TENM2: variants seen among roughly 807,000 people sequenced by gnomAD.
The protein encoded by TENM2 is teneurin transmembrane protein 2, also known as teneurin-2.
TENM2 carries 52 observed loss-of-function variants against 245.2 expected under a neutral mutation model. That is an observed-to-expected ratio of 0.21 (90% confidence interval 0.17 to 0.27). The LOEUF is 0.27. Among genes scored for constraint, TENM2 ranks in the 10% least tolerant of loss-of-function variants. The pLI, the probability that TENM2 is intolerant of heterozygous loss-of-function variation, is 1.00. For synonymous variants in TENM2, 1,363 were observed against 1,438.9 expected (o/e 0.95, Z 1.19); for missense variants, 3,046 against 3,666.8 (o/e 0.83, Z 4.37).
At chr5:168,087,758 A>G (rs1342035859) in intron 7 of TENM2, among the ~76,000 whole-genome samples, 2 of 152,192 alleles carry the variant, frequency 1.3e-5, no homozygotes, top group African/African-American at 4.8e-5. Flanking sequence ...TGTTCTTAGT[A>G]GAAAGACAAC....
chr5:167,057,899 C>T, the TENM2 span, among the ~76,000 whole-genome samples: 1 of 152,126 alleles, frequency 6.6e-6, no homozygotes, highest in East Asian at 1.9e-4. Flanking sequence ...CTCCCTATGA[C>T]TGGGTCCTGC....
At chr5:167,426,290 T>C (rs1374076896) in intron 2 of TENM2, among the ~76,000 whole-genome samples, 1 of 152,194 alleles carries the variant, frequency 6.6e-6, no homozygotes, top group African/African-American at 2.4e-5. Flanking sequence ...CTATTCACAA[T>C]AGTATTTTAA....
At chr5:168,114,063 A>G (rs1448134791) in intron 9 of TENM2, among the ~76,000 whole-genome samples, 8 of 152,174 alleles carry the variant, frequency 5.3e-5, no homozygotes, top group Non-Finnish European at 7.3e-5. Flanking sequence ...GACCTATGGC[A>G]TTTCTTTATT....
At chr5:167,659,757 G>A (rs1328851885) in intron 2 of TENM2, among the ~76,000 whole-genome samples, 1 of 152,044 alleles carries the variant, frequency 6.6e-6, no homozygotes, top group Non-Finnish European at 1.5e-5. Context: ...TGTAGAGTTC[G>A]ATTGTACCTT....
intron 7 of TENM2, among the ~76,000 whole-genome samples, chr5:168,074,342 C>T (rs1791275950): frequency 6.6e-6 from 1 of 152,100 alleles, no homozygotes. Context: ...CACCAAAGCC[C>T]CTGCCAACCC....
At chr5:167,999,122 T>C (rs1784257557) in intron 5 of TENM2, among the ~76,000 whole-genome samples, 1 of 152,204 alleles carries the variant, frequency 6.6e-6, no homozygotes, top group African/African-American at 2.4e-5. Flanking sequence ...AGGAAAAATG[T>C]CAGCCCTCTC....
chr5:167,430,538 G>A (rs1025346818), intron 2 of TENM2, among the ~76,000 whole-genome samples: 1 of 152,094 alleles, frequency 6.6e-6, no homozygotes, highest in Non-Finnish European at 1.5e-5. Context: ...GGGGGGTCTG[G>A]TTTGCTGTCT....
chr5:167,403,113 G>T (rs1183950243), intron 2 of TENM2, among the ~76,000 whole-genome samples: 11 of 151,986 alleles, frequency 7.2e-5, no homozygotes, highest in Non-Finnish European at 1.5e-4. Flanking sequence ...TAGAAAATAT[G>T]TATATATGCA....
intron 1 of TENM2, among the ~76,000 whole-genome samples, chr5:167,327,787 T>A (rs2127783645): frequency 6.6e-6 from 1 of 152,232 alleles, no homozygotes; most frequent in South Asian, 2.1e-4. Flanking sequence ...AAGAGAATGG[T>A]GAAATAGGGT....
chr5:167,820,117 G>C (rs1342207642), intron 2 of TENM2, among the ~76,000 whole-genome samples: 2 of 152,106 alleles, frequency 1.3e-5, no homozygotes, highest in Non-Finnish European at 2.9e-5. Flanking sequence ...CAGGGAAAGA[G>C]TCCTTTTCCC....
chr5:167,390,301 A>G (rs1187981438), intron 2 of TENM2, among the ~76,000 whole-genome samples: 1 of 152,194 alleles, frequency 6.6e-6, no homozygotes, highest in Non-Finnish European at 1.5e-5. Context: ...TATGTCAGCT[A>G]TTGTTTGGAA....
intron 2 of TENM2, among the ~76,000 whole-genome samples, chr5:167,676,748 A>T (rs942391232): frequency 6.6e-6 from 1 of 152,106 alleles, no homozygotes; most frequent in African/African-American, 2.4e-5. Flanking sequence ...TATAAATAAT[A>T]TGTTTTTAAT....
At chr5:167,592,912 T>C (rs1264006890) in intron 2 of TENM2, among the ~76,000 whole-genome samples, 1 of 152,206 alleles carries the variant, frequency 6.6e-6, no homozygotes, top group African/African-American at 2.4e-5. Flanking sequence ...GCATATCATA[T>C]AAAATGTTTA....
At chr5:168,152,216 G>A (rs1756714286) in intron 12 of TENM2, among the ~76,000 whole-genome samples, 1 of 152,224 alleles carries the variant, frequency 6.6e-6, no homozygotes, top group African/African-American at 2.4e-5. Context: ...AAATGTCCCT[G>A]TGAGGGGTTT....
chr5:167,786,726 A>G (rs1764602068), intron 2 of TENM2, among the ~76,000 whole-genome samples: 1 of 152,266 alleles, frequency 6.6e-6, no homozygotes, highest in Non-Finnish European at 1.5e-5. Context: ...ATTACCAGTC[A>G]TGCTTCCACT....
intron 1 of TENM2, among the ~76,000 whole-genome samples, chr5:167,323,019 G>A (rs931030280): frequency 6.6e-6 from 1 of 152,124 alleles, no homozygotes; most frequent in Admixed American, 6.5e-5. Context: ...CTGTCGCAGG[G>A]GCATTCTGGC....
At chr5:167,354,074 A>C (rs1759154592) in intron 1 of TENM2, among the ~76,000 whole-genome samples, 2 of 152,220 alleles carry the variant, frequency 1.3e-5, no homozygotes, top group Non-Finnish European at 2.9e-5. Context: ...ACTGGGTTAT[A>C]CATTAAGCAA....
intron 2 of TENM2, among the ~76,000 whole-genome samples, chr5:167,609,488 CAAA>C (rs5873049): frequency 1.4e-4 from 5 of 36,688 alleles, no homozygotes; most frequent in South Asian, 1.5e-3. Flanking sequence ...CCTGATGATG[CAAA>C]AAAAAAAAAA....
chr5:167,108,740 T>C, the TENM2 span, among the ~76,000 whole-genome samples: 3 of 152,324 alleles, frequency 2.0e-5, no homozygotes, highest in East Asian at 1.9e-4. Context: ...ATGTAAGACG[T>C]AGGGGACATG....
Sources: gnomAD v4.1 joint callset for allele counts (sites outside exome capture counted in the v4.1 genomes callset) on GRCh38, gnomAD v4.1.1 for gene constraint, MANE v1.5 for transcripts, NCBI Gene and HGNC (gene_info 2026-07-23, HGNC 2026-07-21) for gene names.